The following AMACR variants were observed in gnomAD, a reference collection of about 807,000 sequenced individuals.
The protein encoded by AMACR is 2-methylacyl-CoA racemase.
A neutral mutation model predicts 22.2 loss-of-function variants in AMACR; 18 were observed. The ratio of observed to expected loss-of-function variants is 0.81; its 90% CI spans 0.56 to 1.20. The LOEUF (loss-of-function observed/expected upper bound fraction) is 1.20. AMACR is among the 50% of genes most tolerant of loss of function. AMACR has a pLI of 0.00. For synonymous variants in AMACR, 213 were observed against 191.3 expected (o/e 1.11, Z -0.94); for missense variants, 499 against 490.6 (o/e 1.02, Z -0.16).
rs1016495239 is a variant in AMACR, at chr5:33,986,870, G to C, written c.*2223C>G. ...ATCAGGGTTGCCTCACTATCTTCTG[G>C]GCTTCTCTGCTCTTTCGTCACCAGT... is the stretch of plus-strand genomic sequence containing the variant. On this transcript the variant is annotated 3_prime_UTR_variant, in exon 5 of 5. Transcript: ENST00000335606. 2.0e-5 allele frequency: 3 copies of C among 151,966 alleles called. No homozygotes were observed. Among genetic ancestry groups the C allele is most frequent in the African/African-American group, 7.3e-5 (3 of 41,360 alleles). The allele number at this position is 151,966 out of a possible 1,614,324, so 9.4% of individuals were successfully genotyped here. A position where few individuals can be genotyped will look rare whatever the true frequency, so the allele number is the denominator to read the frequency against.
intron 4 of AMACR, chr5:33,996,895 T>G (rs1753653447): frequency 2.5e-6 from 1 of 399,628 alleles, no homozygotes. Context: ...CAGATTTAAT[T>G]TAAGAAAATC....
chr5:34,007,727 C>T (rs1754030161), intron 1 of AMACR, 46 bp downstream of exon 1: 1 of 1,510,816 alleles, frequency 6.6e-7, no homozygotes, highest in Non-Finnish European at 8.8e-7. Flanking sequence ...AGGCCCCTCC[C>T]CTCCGCGGGA....
chr5:33,988,234 A>T lies in AMACR; in HGVS notation c.*859T>A, dbSNP rs747313740. ...CAATCCCGTCTTCTTTGTCAAAGAC[A>T]GGTATAAGAAAGGCTTGTAACTTAA... On this transcript the variant is annotated 3_prime_UTR_variant, in exon 5 of 5. Transcript: ENST00000335606. The T allele has an allele frequency of 1.6e-6, 2 of 1,280,708 alleles. No individual in the cohort carries two copies. Among genetic ancestry groups the T allele is most frequent in the Non-Finnish European group, 2.2e-6 (2 of 926,538 alleles). The allele number at this position is 1,280,708 out of a possible 1,614,324, so 79.3% of individuals were successfully genotyped here. A position where few individuals can be genotyped will look rare whatever the true frequency, so the allele number is the denominator to read the frequency against.
chr5:34,007,730 CCG>C (rs912307120), intron 1 of AMACR, 41 bp downstream of exon 1: 5 of 1,514,846 alleles, frequency 3.3e-6, no homozygotes, highest in Non-Finnish European at 4.4e-6. Context: ...CCCCTCCCCT[CCG>C]CGGGAACTTC....
Position 33,988,334 on chromosome 5 carries a change from G to A in AMACR, c.*759C>T. 1 of 1,541,744 alleles carries A rather than the reference G, an allele frequency of 6.5e-7. No homozygotes were observed. On this transcript the variant is annotated 3_prime_UTR_variant, in exon 5 of 5. Transcript: ENST00000335606. ...TATTTCTGGATGTTGCTGTGTGTTG[G>A]GTATAAGATCCAGAACTTGCTACCA...
At chr5:33,996,570 G>A (rs541603922) in intron 4 of AMACR, among the ~76,000 whole-genome samples, 8 of 152,292 alleles carry the variant, frequency 5.3e-5, no homozygotes, top group Middle Eastern at 3.4e-3. Flanking sequence ...AGGATAGCTT[G>A]AAGTCAGGAG....
chr5:33,995,623 G>A (rs966233121), intron 4 of AMACR, among the ~76,000 whole-genome samples: 1 of 152,200 alleles, frequency 6.6e-6, no homozygotes, highest in African/African-American at 2.4e-5. Flanking sequence ...AGTACTATCT[G>A]CAGTTTCAGG....
At chr5:34,002,260 G>A (rs1361301608) in intron 3 of AMACR, among the ~76,000 whole-genome samples, 1 of 152,194 alleles carries the variant, frequency 6.6e-6, no homozygotes, top group Non-Finnish European at 1.5e-5. Context: ...GCCTCCCAAA[G>A]TGCTGGGATT....
intron 4 of AMACR, chr5:33,997,730 T>C: frequency 1.8e-6 from 1 of 567,688 alleles, no homozygotes; most frequent in South Asian, 2.7e-5. Flanking sequence ...TGTTCTTCTA[T>C]AGTTTTTCCA....
At position 34,004,486 on chromosome 5, in the gene AMACR, T is replaced by C. The variant is rs1036070478; in HGVS notation, c.552+88A>G. On this transcript the variant is annotated intron_variant, in intron 3 of 4. Coordinates refer to ENST00000335606, the MANE Select transcript of AMACR (RefSeq NM_014324.6). ...TGAAACTTCAAATGTCATTTATCTC[T>C]TGTCTTCTTCTTCAAAAAAAGGATT... 2.2e-5 allele frequency: 34 copies of C among 1,548,680 alleles called. No individual in the cohort carries two copies. In the South Asian group the frequency reaches 2.7e-4, roughly 12 times the overall value.
Position 33,998,674 on chromosome 5 carries a change from T to C in AMACR, c.706A>G (p.Ile236Val). ...ADGEFMAVGA[I>V]EPQFYELLIK... is the part of the protein sequence containing the mutation. ...AGCAGCTCGTAGAACTGGGGTTCTA[T>C]TGCTCCAACAGCCATGAATTCCCCA... Residue 236 changes from isoleucine (I) to valine (V), a missense_variant, in exon 4 of 5, where the codon ATA becomes GTA. Physicochemically the swap from Ile to Val is conservative, Grantham distance 29 (BLOSUM62 3). Transcript: ENST00000335606. 6.2e-7 allele frequency: 1 copy of C among 1,613,064 alleles called. No individual in the cohort carries two copies. The highest frequency in any genetic ancestry group is 8.5e-7 in the Non-Finnish European group (1 of 1,179,264).
intron 4 of AMACR, chr5:33,996,997 A>AT (rs911382603): frequency 2.2e-4 from 133 of 601,440 alleles, no homozygotes; most frequent in Middle Eastern, 4.3e-4. Context: ...AATGTCCAGT[A>AT]TTTTTTTTTA....
In AMACR at chr5:33,989,462, G is replaced by A; in HGVS notation, c.780C>T (p.Ser260=). ...TCTTCATTTCTGGCCAATCATCCAT[G>A]CTCATCTGATTGGGAAGTTCATCAG... ...LKSDELPNQM[S]MDDWPEMKKK... is the part of the protein sequence containing the mutation. The change falls in exon 5 of 5, where the codon AGC becomes AGT. Residue 260 remains serine, a synonymous_variant. Coordinates refer to ENST00000335606, the MANE Select transcript of AMACR (RefSeq NM_014324.6). The A allele has an allele frequency of 1.2e-6, 2 of 1,614,150 alleles. No individual in the cohort carries two copies. The highest frequency in any genetic ancestry group is 1.7e-6 in the Non-Finnish European group (2 of 1,180,018).
chr5:33,998,802 G>T lies in AMACR; in HGVS notation c.578C>A (p.Ser193Tyr). 6.2e-7 allele frequency: 1 copy of T among 1,614,056 alleles called. No individual in the cohort carries two copies. Among genetic ancestry groups the T allele is most frequent in the Non-Finnish European group, 8.5e-7 (1 of 1,179,978 alleles). ...NMVEGTAYLS[S>Y]FLWKTQKLSL... is the part of the protein sequence containing the mutation. ...CAATTTCTGAGTTTTCCACAGAAAA[G>T]AACTTAAATATGCTGTTCCTTCCAC... The change falls in exon 4 of 5, where the codon TCT becomes TAT. Residue 193 changes from serine (S) to tyrosine (Y), a missense_variant. By Grantham distance (144) the Ser-to-Tyr change is moderately radical (BLOSUM62 -2). Coordinates refer to ENST00000335606, the MANE Select transcript of AMACR (RefSeq NM_014324.6).
Position 33,988,272 on chromosome 5 carries a change from A to G in AMACR, c.*821T>C, listed in dbSNP as rs374920284. On this transcript the variant is annotated 3_prime_UTR_variant, in exon 5 of 5. Transcript: ENST00000335606. ...GCTTGTAACTTAACTCAGTCCAAGG[A>G]GACACAAAACGACTTGCTGGGGGGT... 3 of 1,504,806 alleles carry G rather than the reference A, an allele frequency of 2.0e-6. No individual in the cohort carries two copies. The East Asian group carries it at 7.3e-5, about 37-fold the overall frequency. 93.2% of individuals were successfully genotyped at this position (1,504,806 alleles called of 1,614,324 possible).
chr5:34,002,098 G>A (rs1036370219), intron 3 of AMACR, among the ~76,000 whole-genome samples: 2 of 152,200 alleles, frequency 1.3e-5, no homozygotes, highest in African/African-American at 4.8e-5. Context: ...CTGGGTTCAA[G>A]CAATTCTCAT....
chr5:33,997,379 C>T (rs769316781), intron 4 of AMACR: 11 of 776,684 alleles, frequency 1.4e-5, no homozygotes, highest in Admixed American at 3.4e-5. Flanking sequence ...TGGCCATTGC[C>T]GCCTCCAACG....
intron 3 of AMACR, among the ~76,000 whole-genome samples, chr5:34,002,964 T>C (rs1196884966): frequency 6.6e-6 from 1 of 152,144 alleles, no homozygotes; most frequent in East Asian, 1.9e-4. Context: ...GCTGAAGCTT[T>C]GGAGATGAGG....
At chr5:33,992,988 A>C (rs1298332165) in intron 4 of AMACR, among the ~76,000 whole-genome samples, 1 of 152,110 alleles carries the variant, frequency 6.6e-6, no homozygotes, top group East Asian at 1.9e-4. Flanking sequence ...ACTGCTTTAC[A>C]TCTATCACCA....
Sources: gnomAD v4.1 joint callset for allele counts (sites outside exome capture counted in the v4.1 genomes callset) on GRCh38, gnomAD v4.1.1 for gene constraint, MANE v1.5 for transcripts, NCBI Gene and HGNC (gene_info 2026-07-23, HGNC 2026-07-21) for gene names.